The following SUSD4 variants were observed in gnomAD, a reference collection of about 807,000 sequenced individuals.
The protein encoded by SUSD4 is sushi domain-containing protein 4.
A neutral mutation model predicts 50.5 loss-of-function variants in SUSD4; 41 were observed. The observed-to-expected ratio is 0.81, with a 90% CI of 0.63 to 1.05. SUSD4 has a LOEUF of 1.05. Among genes scored for constraint, SUSD4 ranks in the 50% least tolerant of loss-of-function variants. The pLI is 0.00. For missense variants in SUSD4, 580 were observed against 634.7 expected, an observed-to-expected ratio of 0.91 and a Z score of 0.93; for synonymous variants, 257 against 257.3, an observed-to-expected ratio of 1.00 and a Z score of 0.01.
chr1:223,235,000 G>C, intron 5 of SUSD4: 1 of 1,609,166 alleles, frequency 6.2e-7, no homozygotes, highest in Non-Finnish European at 8.5e-7. Flanking sequence ...TAGGTGCTGG[G>C]GTGGGAGAGG....
chr1:223,302,980 C>A (rs543948074), intron 2 of SUSD4, among the ~76,000 whole-genome samples: 2 of 152,004 alleles, frequency 1.3e-5, no homozygotes, highest in East Asian at 1.9e-4. Flanking sequence ...TCTAAAAAAA[C>A]AAATAAATAA....
intron 2 of SUSD4, among the ~76,000 whole-genome samples, chr1:223,296,787 A>G (rs1664852548): frequency 6.6e-6 from 1 of 151,994 alleles, no homozygotes; most frequent in Admixed American, 6.6e-5. Context: ...TTTATAAGGG[A>G]CTTTCTTCTC....
At chr1:223,346,523 C>T (rs78279980) in intron 2 of SUSD4, among the ~76,000 whole-genome samples, 3 of 151,954 alleles carry the variant, frequency 2.0e-5, no homozygotes, top group South Asian at 2.1e-4. Flanking sequence ...GAGTGCCCCC[C>T]AGCCTGGAAG....
chr1:223,230,927 CTG>C (rs1427238947), intron 5 of SUSD4, among the ~76,000 whole-genome samples: 3 of 152,138 alleles, frequency 2.0e-5, no homozygotes, highest in Non-Finnish European at 2.9e-5. Flanking sequence ...AGCTGACAAA[CTG>C]TGATTATTCA....
In SUSD4 at chr1:223,229,255, G is replaced by A. The variant is rs1204330441; in HGVS notation, c.858C>T (p.Tyr286=). 1 of 1,612,968 alleles carries A rather than the reference G, an allele frequency of 6.2e-7. No homozygotes were observed. Among genetic ancestry groups the A allele is most frequent in the African/African-American group, 1.3e-5 (1 of 75,060 alleles). ...PGYSLTSDYK[Y]ITCQYGEWFP... is the part of the protein sequence containing the mutation. The stretch of plus-strand genomic sequence containing the variant: ...ACCACTCTCCATACTGGCAGGTGAT[G>A]TACTTGTAGTCGCTGGTGAGGCTGT... The change falls in exon 6 of 9, where the codon TAC becomes TAT. Residue 286 remains tyrosine, a synonymous_variant. Coordinates refer to ENST00000366878, the MANE Select transcript of SUSD4 (RefSeq NM_017982.4). The surrounding 1 kb of genome is among the most constrained non-coding windows in gnomAD (Gnocchi z 4.7).
At chr1:223,223,148 T>A in intron 8 of SUSD4, 101 bp downstream of exon 8, 1 of 1,441,274 alleles carries the variant, frequency 6.9e-7, no homozygotes, top group East Asian at 2.4e-5. Context: ...TTGATTCGAC[T>A]CTGTGCTGGG....
At chr1:223,280,697 G>C (rs1468448472) in intron 3 of SUSD4, among the ~76,000 whole-genome samples, 1 of 151,724 alleles carries the variant, frequency 6.6e-6, no homozygotes, top group Non-Finnish European at 1.5e-5. Context: ...AAGTTTACAA[G>C]GATATCCAGG....
intron 2 of SUSD4, among the ~76,000 whole-genome samples, chr1:223,326,738 G>A (rs1238449754): frequency 6.6e-6 from 1 of 152,010 alleles, no homozygotes; most frequent in Non-Finnish European, 1.5e-5. Flanking sequence ...CAACAAACAT[G>A]AAAAAATGCT....
intron 5 of SUSD4, among the ~76,000 whole-genome samples, chr1:223,256,253 T>G (rs1466105404): frequency 7.9e-5 from 12 of 152,168 alleles, no homozygotes; most frequent in African/African-American, 2.9e-4. Flanking sequence ...GTGGCCGGGC[T>G]GGTCTCTCCC....
intron 3 of SUSD4, 90 bp from the exon 4 acceptor site, chr1:223,268,765 T>G: frequency 7.3e-7 from 1 of 1,378,488 alleles, no homozygotes. Flanking sequence ...TTTTCAGACT[T>G]GGTCTCAACC....
intron 2 of SUSD4, among the ~76,000 whole-genome samples, chr1:223,306,904 T>C (rs371691834): frequency 2.0e-5 from 3 of 151,956 alleles, no homozygotes; most frequent in Non-Finnish European, 2.9e-5. Flanking sequence ...AGTAACTTGA[T>C]CTTTCTGGGT....
intron 3 of SUSD4, among the ~76,000 whole-genome samples, chr1:223,288,085 C>T (rs920288120): frequency 1.3e-5 from 2 of 152,090 alleles, no homozygotes; most frequent in Non-Finnish European, 2.9e-5. Context: ...TCATAACCAC[C>T]TCATATGGTT....
intron 3 of SUSD4, among the ~76,000 whole-genome samples, chr1:223,278,201 T>C (rs1346369087): frequency 2.0e-5 from 3 of 152,158 alleles, no homozygotes; most frequent in Non-Finnish European, 2.9e-5. Context: ...ACACTGGGGC[T>C]TGTCAGACAG....
chr1:223,238,303 C>T (rs1660354184), intron 5 of SUSD4, among the ~76,000 whole-genome samples: 1 of 151,732 alleles, frequency 6.6e-6, no homozygotes, highest in Non-Finnish European at 1.5e-5. Context: ...CAGCTTTTGA[C>T]TTTGTTGATT....
At chr1:223,277,107 G>A (rs1223733305) in intron 3 of SUSD4, among the ~76,000 whole-genome samples, 4 of 152,130 alleles carry the variant, frequency 2.6e-5, no homozygotes. Flanking sequence ...TTTAGCTTAT[G>A]AGTTGAGCTG....
chr1:223,244,869 T>G (rs796617183), intron 5 of SUSD4, among the ~76,000 whole-genome samples: 4 of 152,284 alleles, frequency 2.6e-5, no homozygotes, highest in African/African-American at 7.2e-5. Context: ...AAATTCTCTG[T>G]GCCACACTGG....
upstream of SUSD4, among the ~76,000 whole-genome samples, chr1:223,364,370 G>C (rs565905123): frequency 1.4e-5 from 2 of 147,424 alleles, no homozygotes; most frequent in South Asian, 2.1e-4. This position sits in a 1 kb window ranked among gnomAD's most constrained non-coding sequence, Gnocchi z 4.5. Context: ...CGGGGTGAGT[G>C]GGGGGGCGGG....
chr1:223,297,834 G>A (rs189736223), intron 2 of SUSD4, among the ~76,000 whole-genome samples: 89 of 152,296 alleles, frequency 5.8e-4, no homozygotes, highest in African/African-American at 2.1e-3. Context: ...GTATAAAGTG[G>A]ACATTCTACA....
At chr1:223,282,487 C>T (rs1367280060) in intron 3 of SUSD4, among the ~76,000 whole-genome samples, 4 of 152,088 alleles carry the variant, frequency 2.6e-5, no homozygotes, top group Non-Finnish European at 4.4e-5. Context: ...CTCCCATTCA[C>T]AATTGCTTCA....
Sources: allele counts gnomAD v4.1 joint callset (sites outside exome capture counted in the v4.1 genomes callset), GRCh38; gene constraint gnomAD v4.1.1; non-coding constraint Gnocchi (gnomAD v3.1); transcripts MANE v1.5; gene names NCBI Gene and HGNC (gene_info 2026-07-23, HGNC 2026-07-21).